Variants in DNAH11 observed in about 807,000 individuals in gnomAD.
DNAH11 encodes dynein axonemal heavy chain 11, also known as axonemal beta dynein heavy chain 11.
In DNAH11, 442 loss-of-function variants were observed where a neutral mutation model predicts 526.0. The ratio of observed to expected loss-of-function variants is 0.84; its 90% CI spans 0.78 to 0.91. The LOEUF is 0.91. Ranked by LOEUF, DNAH11 falls within the 40% of genes least tolerant of loss-of-function variation. DNAH11 has a pLI of 0.00. For missense variants in DNAH11, 6,989 were observed against 5,448.7 expected, an observed-to-expected ratio of 1.28 and a Z score of -8.90; for synonymous variants, 2,461 against 1,935.9, an observed-to-expected ratio of 1.27 and a Z score of -7.12.
chr7:21,716,882 C>T (rs149312180), intron 42 of DNAH11, among the ~76,000 whole-genome samples: 1 of 152,112 alleles, frequency 6.6e-6, no homozygotes. Flanking sequence ...ATTGTGAAGC[C>T]TTGAGAAAAG....
intron 28 of DNAH11, 115 bp downstream of exon 28, chr7:21,639,180 C>A: frequency 7.7e-7 from 1 of 1,305,392 alleles, no homozygotes; most frequent in Non-Finnish European, 1.0e-6. Flanking sequence ...ACTAGAAAAT[C>A]TGCAGTTAAA....
At chr7:21,786,602 G>A (rs760587753) in intron 58 of DNAH11, 22 bp from the exon 59 acceptor site, 4 of 1,602,252 alleles carry the variant, frequency 2.5e-6, no homozygotes, top group Non-Finnish European at 3.4e-6. Flanking sequence ...CTGTGTACGT[G>A]TTTCTGTGTG....
intron 44 of DNAH11, among the ~76,000 whole-genome samples, chr7:21,725,282 C>T (rs1224238857): frequency 6.6e-6 from 1 of 152,068 alleles, no homozygotes; most frequent in Non-Finnish European, 1.5e-5. Flanking sequence ...ATTTAGAATT[C>T]CAGAGATCAA....
intron 25 of DNAH11, among the ~76,000 whole-genome samples, chr7:21,633,934 T>A (rs1786740347): frequency 6.6e-6 from 1 of 152,254 alleles, no homozygotes; most frequent in South Asian, 2.1e-4. Flanking sequence ...CTAGTTTCCT[T>A]GGACTATAGA....
At position 21,765,478 on chromosome 7, in the gene DNAH11, G is replaced by T. The variant is rs878854448; in HGVS notation, c.8991G>T (p.Arg2997=). ...PVGRTLRVRA[R]KFPAIVNCTA... Reference sequence around the variant, plus strand: ...GTCGCACGCTGAGAGTTAGAGCTCGGAAGTTCCCAGCCATAGTTAACTGCA... The same window carrying T: ...GTCGCACGCTGAGAGTTAGAGCTCGTAAGTTCCCAGCCATAGTTAACTGCA... Residue 2997 remains arginine, a synonymous_variant, in exon 55 of 82, where the codon CGG becomes CGT. Coordinates refer to ENST00000409508, the MANE Select transcript of DNAH11 (RefSeq NM_001277115.2). The T allele has an allele frequency of 6.2e-7, 1 of 1,613,786 alleles. No homozygotes were observed.
At chr7:21,887,495 C>G (rs1266768042) in intron 76 of DNAH11, among the ~76,000 whole-genome samples, 1 of 152,022 alleles carries the variant, frequency 6.6e-6, no homozygotes, top group Non-Finnish European at 1.5e-5. Context: ...CAAAAAACAC[C>G]TGGGTTCACA....
At position 21,681,526 on chromosome 7, in the gene DNAH11, T is replaced by C. The variant is rs778473546; in HGVS notation, c.5329-20T>C. The C allele has an allele frequency of 2.5e-6, 4 of 1,610,194 alleles. No homozygotes were observed. The highest frequency in any genetic ancestry group is 3.4e-5 in the Admixed American group (2 of 59,466). On this transcript the variant is annotated intron_variant, in intron 30 of 81. Coordinates refer to ENST00000409508, the MANE Select transcript of DNAH11 (RefSeq NM_001277115.2). ...GTATTTGTAACCCTTCTCTCCTTTT[T>C]AAAAAATGATTCCTTCTAGATTTCT...
intron 30 of DNAH11, among the ~76,000 whole-genome samples, chr7:21,671,717 T>C (rs1029967297): frequency 4.6e-5 from 7 of 152,210 alleles, no homozygotes; most frequent in Non-Finnish European, 1.5e-5. Flanking sequence ...TTGTTCCTCT[T>C]TTTCAAGTTT....
Position 21,658,878 on chromosome 7 carries a change from C to A in DNAH11, c.5175C>A (p.Tyr1725Ter), listed in dbSNP as rs747361665. Residue 1725 changes from tyrosine (Y) to a stop codon, truncating the protein, a stop_gained, in exon 30 of 82, where the codon TAC becomes TAA. Transcript: ENST00000409508. LOFTEE classifies it high-confidence loss of function. ...RHSITEAIVA[Y>*]EEKPRELWIF... ...CTATAACAGAAGCCATAGTGGCCTACGAGGAAAAACCTAGGGAACTGTGGA... is the reference window on the plus strand; with the variant it reads ...CTATAACAGAAGCCATAGTGGCCTAAGAGGAAAAACCTAGGGAACTGTGGA... 1 of 1,608,602 alleles carries A rather than the reference C, an allele frequency of 6.2e-7. No individual in the cohort carries two copies. Among genetic ancestry groups the A allele is most frequent in the Non-Finnish European group, 8.5e-7 (1 of 1,177,512 alleles).
At chr7:21,593,116 C>T (rs1462479887) in intron 14 of DNAH11, among the ~76,000 whole-genome samples, 4 of 152,124 alleles carry the variant, frequency 2.6e-5, no homozygotes, top group African/African-American at 7.2e-5. Flanking sequence ...TCGAAGTCCT[C>T]CCTAGGTCAG....
intron 10 of DNAH11, 138 bp downstream of exon 10, chr7:21,588,339 C>T (rs1275662585): frequency 2.3e-6 from 3 of 1,328,288 alleles, no homozygotes; most frequent in Admixed American, 4.9e-5. Context: ...CTGGTTTCCT[C>T]ATGGAGATGG....
At chr7:21,575,083 G>T (rs1350718008) in intron 8 of DNAH11, among the ~76,000 whole-genome samples, 1 of 151,642 alleles carries the variant, frequency 6.6e-6, no homozygotes, top group East Asian at 1.9e-4. Context: ...CACCATGTTG[G>T]CCAGGCTGGT....
chr7:21,852,766 C>A, intron 67 of DNAH11, 135 bp downstream of exon 67: 1 of 890,224 alleles, frequency 1.1e-6, no homozygotes, highest in Non-Finnish European at 1.6e-6. Context: ...TAATAAGCTG[C>A]AGTTGGACTG....
chr7:21,685,436 A>C (rs1393662293), intron 32 of DNAH11, among the ~76,000 whole-genome samples: 1 of 152,220 alleles, frequency 6.6e-6, no homozygotes, highest in Admixed American at 6.5e-5. Flanking sequence ...GGAAGATGAA[A>C]GTTCATTTTG....
intron 47 of DNAH11, 81 bp downstream of exon 47, chr7:21,738,947 T>TC: frequency 1.2e-5 from 14 of 1,201,796 alleles, no homozygotes; most frequent in African/African-American, 1.6e-5. Context: ...GAATAATTAT[T>TC]ATGAATAATT....
At chr7:21,578,585 C>T (rs1784189925) in intron 8 of DNAH11, among the ~76,000 whole-genome samples, 2 of 152,204 alleles carry the variant, frequency 1.3e-5, no homozygotes, top group African/African-American at 4.8e-5. Flanking sequence ...ACCCTCTTCT[C>T]ACAGCTCCAC....
At chr7:21,561,884 C>A (rs1477776522) in intron 5 of DNAH11, among the ~76,000 whole-genome samples, 1 of 151,914 alleles carries the variant, frequency 6.6e-6, no homozygotes, top group African/African-American at 2.4e-5. Context: ...TTTTTTGTTT[C>A]TAATATTAAA....
intron 56 of DNAH11, 123 bp from the exon 57 acceptor site, chr7:21,778,835 G>T: frequency 8.3e-7 from 1 of 1,200,402 alleles, no homozygotes; most frequent in South Asian, 1.7e-5. Context: ...GTGAAAATCA[G>T]GGTAGAGACA....
chr7:21,870,318 G>A (rs1039752949), intron 73 of DNAH11, among the ~76,000 whole-genome samples: 6 of 152,110 alleles, frequency 3.9e-5, no homozygotes, highest in Non-Finnish European at 4.4e-5. Context: ...AATGCAACTG[G>A]ATTCATAAAG....
Sources: gnomAD v4.1 joint callset for allele counts (sites outside exome capture counted in the v4.1 genomes callset) on GRCh38, gnomAD v4.1.1 for gene constraint, MANE v1.5 for transcripts, NCBI Gene and HGNC (gene_info 2026-07-23, HGNC 2026-07-21) for gene names.